The following USP45 variants were observed in gnomAD, a reference collection of about 807,000 sequenced individuals.
The protein encoded by USP45 is ubiquitin carboxyl-terminal hydrolase 45.
USP45 carries 89 observed loss-of-function variants against 95.8 expected under a neutral mutation model. The ratio of observed to expected loss-of-function variants is 0.93; its 90% confidence interval spans 0.78 to 1.11. The LOEUF (loss-of-function observed/expected upper bound fraction) is 1.11. Ranked by LOEUF, USP45 falls within the 50% of genes least tolerant of loss-of-function variation. The pLI is 0.00. For missense variants in USP45, 898 were observed against 942.5 expected (o/e 0.95, Z 0.62); for synonymous variants, 281 against 316.2 (o/e 0.89, Z 1.18).
intron 4 of USP45, among the ~76,000 whole-genome samples, chr6:99,506,832 A>G (rs923343344): frequency 3.3e-5 from 5 of 152,150 alleles, no homozygotes; most frequent in African/African-American, 1.2e-4. Context: ...ACAACACTAG[A>G]ATTCTGTATT....
rs1442830362 is a variant in USP45 at position 99,481,400 on chromosome 6, A to T, written c.845+1353T>A. 3.9e-5 allele frequency among the ~76,000 whole-genome samples: 6 copies of T among 152,196 alleles called. No homozygotes were observed. In the East Asian group the frequency reaches 7.7e-4, roughly 19 times the overall value. On this transcript the variant is annotated intron_variant, in intron 8 of 17. Transcript: ENST00000500704. The stretch of plus-strand genomic sequence containing the variant: ...GCCCATTATTTTAATAGTAATTTTT[A>T]AAATGTTAATAAACCTTTATAACCA...
intron 5 of USP45, among the ~76,000 whole-genome samples, chr6:99,503,393 C>T (rs1797816690): frequency 6.6e-6 from 1 of 150,428 alleles, no homozygotes; most frequent in Admixed American, 6.6e-5. Context: ...GTGGCATGTT[C>T]TTGGCTCACT....
At chr6:99,514,529 C>A (rs1467534208) in intron 1 of USP45, among the ~76,000 whole-genome samples, 1 of 152,132 alleles carries the variant, frequency 6.6e-6, no homozygotes, top group Non-Finnish European at 1.5e-5. Flanking sequence ...TTTTCTCATG[C>A]GGTTTTCCAA....
intron 13 of USP45, among the ~76,000 whole-genome samples, chr6:99,455,815 G>A (rs1460353584): frequency 1.0e-5 from 1 of 95,568 alleles, no homozygotes. Context: ...TCTTATGTGA[G>A]AGCTAAAAAA....
chr6:99,513,778 A>G (rs1370144894), intron 1 of USP45, among the ~76,000 whole-genome samples: 1 of 152,240 alleles, frequency 6.6e-6, no homozygotes, highest in African/African-American at 2.4e-5. Flanking sequence ...GTAACCCAGA[A>G]TTCGGCAATT....
chr6:99,477,372 C>A (rs1005896083), intron 8 of USP45, among the ~76,000 whole-genome samples: 1 of 152,102 alleles, frequency 6.6e-6, no homozygotes, highest in African/African-American at 2.4e-5. Flanking sequence ...GGCACAATCT[C>A]AGCTCACTGC....
intron 2 of USP45, 82 bp downstream of exon 2, chr6:99,510,039 G>T: frequency 1.9e-6 from 2 of 1,068,910 alleles, no homozygotes; most frequent in Non-Finnish European, 2.8e-6. Context: ...GATCCTCAGC[G>T]TTCAAACCCA....
At chr6:99,498,521 G>A (rs1796764006) in intron 5 of USP45, among the ~76,000 whole-genome samples, 2 of 152,304 alleles carry the variant, frequency 1.3e-5, no homozygotes, top group Middle Eastern at 3.4e-3. Context: ...AAGAGATAAG[G>A]ATTGGGAAAG....
chr6:99,500,603 T>C (rs1317223649), intron 5 of USP45, among the ~76,000 whole-genome samples: 6 of 152,192 alleles, frequency 3.9e-5, no homozygotes. Flanking sequence ...TGTACTTTCA[T>C]CACCCATGCC....
At chr6:99,447,404 A>AT (rs1445682160) in intron 13 of USP45, among the ~76,000 whole-genome samples, 2 of 152,230 alleles carry the variant, frequency 1.3e-5, no homozygotes, top group Non-Finnish European at 2.9e-5. Context: ...TCTTGCCTCA[A>AT]TTTTTTTTAT....
chr6:99,513,853 G>A (rs1350251481), intron 1 of USP45, among the ~76,000 whole-genome samples: 4 of 152,160 alleles, frequency 2.6e-5, no homozygotes, highest in Non-Finnish European at 5.9e-5. Context: ...CCAATTATTA[G>A]AGCTTCCAAT....
At chr6:99,453,342 A>G (rs1784330594) in intron 13 of USP45, among the ~76,000 whole-genome samples, 1 of 152,166 alleles carries the variant, frequency 6.6e-6, no homozygotes, top group South Asian at 2.1e-4. Flanking sequence ...AACATATGAA[A>G]ATCAGTAGCG....
intron 13 of USP45, among the ~76,000 whole-genome samples, chr6:99,453,984 T>C (rs1784466635): frequency 6.6e-6 from 1 of 152,014 alleles, no homozygotes; most frequent in African/African-American, 2.4e-5. Flanking sequence ...GAAAAAAATT[T>C]GTATAGAACC....
At chr6:99,499,661 C>T (rs1796990481) in intron 5 of USP45, among the ~76,000 whole-genome samples, 1 of 152,144 alleles carries the variant, frequency 6.6e-6, no homozygotes, top group South Asian at 2.1e-4. Context: ...CCTCAAAAGC[C>T]CGTGCCCCAC....
At chr6:99,510,861 A>G (rs1799625217) in intron 1 of USP45, among the ~76,000 whole-genome samples, 1 of 152,138 alleles carries the variant, frequency 6.6e-6, no homozygotes, top group African/African-American at 2.4e-5. Flanking sequence ...CAACGGAGTA[A>G]GTATTGCTTC....
intron 13 of USP45, 146 bp from the exon 14 acceptor site, chr6:99,446,609 G>A: frequency 1.3e-6 from 1 of 782,814 alleles, no homozygotes; most frequent in Non-Finnish European, 2.0e-6. Context: ...ATCACTAGAA[G>A]ATATACTAAA....
intron 9 of USP45, among the ~76,000 whole-genome samples, chr6:99,472,141 C>CT (rs997830421): frequency 7.9e-5 from 12 of 151,420 alleles, no homozygotes; most frequent in Admixed American, 6.6e-4. Context: ...ATATATTTTA[C>CT]TTTTTTTATA....
intron 15 of USP45, 124 bp from the exon 16 acceptor site, chr6:99,439,979 T>A: frequency 1.8e-6 from 1 of 571,388 alleles, no homozygotes. Context: ...GTGACTAATG[T>A]ATAGTCTAAA....
At chr6:99,471,082 G>T (rs551829335) in intron 9 of USP45, among the ~76,000 whole-genome samples, 10 of 152,240 alleles carry the variant, frequency 6.6e-5, no homozygotes, top group African/African-American at 2.4e-4. Context: ...AGAGTAAAAT[G>T]AAATTGTTTA....
Sources: allele counts gnomAD v4.1 joint callset (sites outside exome capture counted in the v4.1 genomes callset), GRCh38; gene constraint gnomAD v4.1.1; transcripts MANE v1.5; gene names NCBI Gene and HGNC (gene_info 2026-07-23, HGNC 2026-07-21).